SLCO2B1: variants seen among roughly 807,000 people sequenced by gnomAD.
SLCO2B1 encodes the protein solute carrier organic anion transporter family member 2B1.
SLCO2B1 carries 41 observed loss-of-function variants against 67.3 expected under a neutral mutation model. That is an observed-to-expected ratio of 0.61 (90% CI 0.47 to 0.79). The LOEUF is 0.79. SLCO2B1 is among the 30% of genes least tolerant of loss of function. The probability of loss-of-function intolerance (pLI) is 0.00; values close to 1 mark genes in which losing one functional copy is unlikely to be tolerated. For missense variants in SLCO2B1, 837 were observed against 920.1 expected, an observed-to-expected ratio of 0.91 and a Z score of 1.17; for synonymous variants, 379 against 381.4, an observed-to-expected ratio of 0.99 and a Z score of 0.07.
chr11:75,154,331 TA>T (rs1355495565), intron 1 of SLCO2B1, among the ~76,000 whole-genome samples: 16 of 146,952 alleles, frequency 1.1e-4, no homozygotes, highest in Non-Finnish European at 1.1e-4. Context: ...CCATCTCTAC[TA>T]AAAAAAAAAT....
intron 10 of SLCO2B1, among the ~76,000 whole-genome samples, chr11:75,197,802 G>A (rs1287127476): frequency 6.6e-6 from 1 of 152,208 alleles, no homozygotes; most frequent in African/African-American, 2.4e-5. Context: ...AAGGGGCCCA[G>A]TGGGGAAATG....
chr11:75,184,047 C>T (rs1219091361), intron 7 of SLCO2B1, among the ~76,000 whole-genome samples: 1 of 152,182 alleles, frequency 6.6e-6, no homozygotes, highest in Non-Finnish European at 1.5e-5. Context: ...TCCGCTAGAG[C>T]TGGTGTGCTC....
chr11:75,188,353 A>G (rs1334942741), intron 8 of SLCO2B1, 115 bp downstream of exon 8: 1 of 688,700 alleles, frequency 1.5e-6, no homozygotes, highest in East Asian at 2.7e-5. Context: ...CAGACCCCTC[A>G]TGAGCACCAT....
At chr11:75,158,527 A>G (rs560280642) in intron 1 of SLCO2B1, among the ~76,000 whole-genome samples, 29 of 152,282 alleles carry the variant, frequency 1.9e-4, no homozygotes, top group African/African-American at 6.7e-4. Context: ...CAACTCTCAA[A>G]TGAGAATCTT....
chr11:75,193,507 C>T lies in SLCO2B1; in HGVS notation c.1365C>T (p.Phe455=), dbSNP rs780846719. 6.2e-7 allele frequency: 1 copy of T among 1,601,898 alleles called. No homozygotes were observed. The highest frequency in any genetic ancestry group is 1.1e-5 in the South Asian group (1 of 89,574). ...TGCTGGGGATGCTGCTGTGCCTCTT[C>T]TTCAGCCTGCCGCTCTTCTTTATCG... ...LCLLGMLLCL[F]FSLPLFFIGC... is the part of the protein sequence containing the mutation. Residue 455 remains phenylalanine (F), a synonymous_variant, in exon 9 of 14, where the codon TTC becomes TTT. Coordinates refer to ENST00000289575, the MANE Select transcript of SLCO2B1 (RefSeq NM_007256.5). This position sits in a 1 kb window ranked among gnomAD's most constrained non-coding sequence, Gnocchi z 4.2.
intron 2 of SLCO2B1, 99 bp downstream of exon 2, chr11:75,162,884 G>A: frequency 1.4e-6 from 2 of 1,387,748 alleles, no homozygotes; most frequent in Non-Finnish European, 2.0e-6. Flanking sequence ...CTGAGCCTCG[G>A]TTTCCTCATC....
At position 75,205,228 on chromosome 11, in the gene SLCO2B1, T is replaced by G. The variant is rs1945253570; in HGVS notation, c.*648T>G. On this transcript the variant is annotated 3_prime_UTR_variant, in exon 14 of 14. Coordinates refer to ENST00000289575, the MANE Select transcript of SLCO2B1 (RefSeq NM_007256.5). ...GACTTGGCAGGGCCTTCAAGAGGCC[T>G]GTGTGGGGGCCCCAGGAATCCTTAG... is the stretch of plus-strand genomic sequence containing the variant. The G allele has an allele frequency of 6.6e-6, 1 of 152,382 alleles. No individual in the cohort carries two copies. The highest frequency in any genetic ancestry group is 6.5e-5 in the Admixed American group (1 of 15,290). 9.4% of individuals were successfully genotyped at this position (152,382 alleles called of 1,614,324 possible).
rs117522536 is a variant in SLCO2B1 at position 75,187,126 on chromosome 11, A to G, written c.973-1010A>G. 6.9e-4 allele frequency among the ~76,000 whole-genome samples: 105 copies of G among 152,318 alleles called. No individual in the cohort carries two copies. The East Asian group carries it at 0.014, about 20-fold the overall frequency. ...TTCTCCAAGTTGTTGGTAGGGACGT[A>G]TATACTTCAGGAGGTTGTGAGGTTT... On this transcript the variant is annotated intron_variant, in intron 7 of 13. Coordinates refer to ENST00000289575, the MANE Select transcript of SLCO2B1 (RefSeq NM_007256.5).
intron 8 of SLCO2B1, among the ~76,000 whole-genome samples, chr11:75,189,464 C>G (rs768837059): frequency 6.6e-5 from 10 of 152,162 alleles, no homozygotes; most frequent in Non-Finnish European, 1.5e-4. Flanking sequence ...AAAAACTGTA[C>G]TTATATATAA....
At chr11:75,198,005 T>A (rs906488210) in intron 10 of SLCO2B1, among the ~76,000 whole-genome samples, 1 of 152,118 alleles carries the variant, frequency 6.6e-6, no homozygotes, top group African/African-American at 2.4e-5. Flanking sequence ...TATGACAACA[T>A]CTCCCTCTCT....
chr11:75,159,796 A>G (rs1259914584), intron 1 of SLCO2B1: 2 of 975,392 alleles, frequency 2.1e-6, no homozygotes, highest in African/African-American at 3.5e-5. Context: ...CCATATCTCT[A>G]AAGGATAAAG....
At chr11:75,182,784 T>C (rs534515533) in intron 7 of SLCO2B1, among the ~76,000 whole-genome samples, 95 of 151,558 alleles carry the variant, frequency 6.3e-4, no homozygotes, top group Admixed American at 1.1e-3. Flanking sequence ...AATGTACACG[T>C]GGGAGCAGAC....
intron 4 of SLCO2B1, 71 bp downstream of exon 4, chr11:75,166,020 A>T: frequency 6.6e-7 from 1 of 1,515,694 alleles, no homozygotes; most frequent in Non-Finnish European, 8.9e-7. Context: ...GGCCCACCCC[A>T]CAGGCATTCA....
At chr11:75,155,400 C>T (rs1453645372) in intron 1 of SLCO2B1, among the ~76,000 whole-genome samples, 5 of 152,140 alleles carry the variant, frequency 3.3e-5, no homozygotes, top group Admixed American at 3.3e-4. Context: ...CAGTCCCCAC[C>T]CACAGACCCC....
chr11:75,153,924 C>CTT (rs538639501), intron 1 of SLCO2B1, among the ~76,000 whole-genome samples: 1,507 of 123,910 alleles, frequency 0.012, 50 homozygotes, highest in African/African-American at 0.041. Context: ...GTGTACAGTA[C>CTT]TTTTTTTTTT....
chr11:75,190,179 G>A (rs201755600), intron 8 of SLCO2B1, among the ~76,000 whole-genome samples: 2 of 152,206 alleles, frequency 1.3e-5, no homozygotes, highest in East Asian at 3.9e-4. Flanking sequence ...TTGGGCTTCT[G>A]CCCGGAGGGA....
intron 3 of SLCO2B1, among the ~76,000 whole-genome samples, chr11:75,164,870 C>T (rs1949868283): frequency 1.3e-5 from 2 of 152,180 alleles, no homozygotes; most frequent in South Asian, 4.1e-4. Context: ...AGTCACTCCC[C>T]TGTCTCTGGG....
intron 7 of SLCO2B1, among the ~76,000 whole-genome samples, chr11:75,180,432 G>A (rs1950079496): frequency 6.6e-6 from 1 of 152,306 alleles, no homozygotes; most frequent in Non-Finnish European, 1.5e-5. Flanking sequence ...TGTTTTCCAT[G>A]ATGGCTGTGC....
At chr11:75,181,972 G>T (rs547172667) in intron 7 of SLCO2B1, among the ~76,000 whole-genome samples, 1 of 152,340 alleles carries the variant, frequency 6.6e-6, no homozygotes, top group Non-Finnish European at 1.5e-5. Flanking sequence ...GCTCCCAATA[G>T]CCACAGAATA....
Sources: gnomAD v4.1 joint callset for allele counts (sites outside exome capture counted in the v4.1 genomes callset) on GRCh38, gnomAD v4.1.1 for gene constraint, Gnocchi (gnomAD v3.1) non-coding constraint, MANE v1.5 for transcripts, NCBI Gene and HGNC (gene_info 2026-07-23, HGNC 2026-07-21) for gene names.